The following MCC variants were observed in gnomAD, a reference collection of about 807,000 sequenced individuals.
MCC encodes MCC regulator of Wnt signaling pathway.
A neutral mutation model predicts 116.2 loss-of-function variants in MCC; 90 were observed. The observed-to-expected ratio is 0.77, with a 90% CI of 0.65 to 0.92. MCC has a LOEUF of 0.92. Ranked by LOEUF, MCC falls within the 40% of genes least tolerant of loss-of-function variation. The probability of loss-of-function intolerance (pLI) is 0.00; values close to 1 mark genes in which losing one functional copy is unlikely to be tolerated. For missense variants in MCC, 1,516 were observed against 1,312.2 expected (o/e 1.16, Z -2.40); for synonymous variants, 578 against 510.5 (o/e 1.13, Z -1.78).
intron 3 of MCC, among the ~76,000 whole-genome samples, chr5:113,176,888 C>A (rs1394482948): frequency 6.6e-6 from 1 of 152,150 alleles, no homozygotes; most frequent in Non-Finnish European, 1.5e-5. Flanking sequence ...CACTGCTTGT[C>A]TAGATTGCAG....
In MCC at chr5:113,064,064, G is replaced by T. The variant is rs536644067; in HGVS notation, c.2133C>A (p.Asp711Glu). Reference protein sequence around the residue: ...NAAKALLMKLDGSCGGAFAVA... With the variant: ...NAAKALLMKLEGSCGGAFAVA... The stretch of plus-strand genomic sequence containing the variant: ...CGGCAAAGGCTCCCCCACAGCTGCC[G>T]TCCAGCTTCATGAGCAGGGCCTTGG... The change falls in exon 14 of 19, where the codon GAC becomes GAA. Residue 711 changes from aspartate (D) to glutamate (E), a missense_variant. Physicochemically the swap from Asp to Glu is conservative, Grantham distance 45 (BLOSUM62 2). Transcript: ENST00000408903. 1.2e-6 allele frequency: 2 copies of T among 1,614,172 alleles called. No individual in the cohort carries two copies. Among genetic ancestry groups the T allele is most frequent in the Non-Finnish European group, 1.7e-6 (2 of 1,180,020 alleles).
At chr5:113,428,245 G>A (rs1190917494) in intron 1 of MCC, among the ~76,000 whole-genome samples, 2 of 152,100 alleles carry the variant, frequency 1.3e-5, no homozygotes, top group Admixed American at 6.5e-5. Flanking sequence ...ATCCCAAGTA[G>A]AAGAACGTCA....
rs1273774208 is a variant in MCC at position 113,122,683 on chromosome 5, C to T, written c.1027+1G>A. 1.9e-6 allele frequency: 3 copies of T among 1,613,898 alleles called. No homozygotes were observed. The highest frequency in any genetic ancestry group is 2.7e-5 in the African/African-American group (2 of 74,910). ...TTGGTGGCAAGGGCAGGCAGACTCACCCATGTCAGCAGTAACCATGGTAGA... is the reference window on the plus strand; with the variant it reads ...TTGGTGGCAAGGGCAGGCAGACTCATCCATGTCAGCAGTAACCATGGTAGA... On this transcript the variant is annotated splice_donor_variant, in intron 6 of 18. Transcript: ENST00000408903. LOFTEE classifies it high-confidence loss of function.
At chr5:113,366,844 C>T (rs1391918169) in intron 2 of MCC, among the ~76,000 whole-genome samples, 2 of 151,952 alleles carry the variant, frequency 1.3e-5, no homozygotes, top group Non-Finnish European at 2.9e-5. Flanking sequence ...ACTCTATCAC[C>T]CAGGCTGGAG....
At chr5:113,488,157 A>G (rs968420696) in intron 1 of MCC, 88 bp downstream of exon 1, 20 of 1,319,770 alleles carry the variant, frequency 1.5e-5, no homozygotes, top group Non-Finnish European at 2.0e-5. Context: ...ACTTGCCGCA[A>G]GTTGGGGCGA....
At chr5:113,216,332 T>C (rs943163624) in intron 3 of MCC, among the ~76,000 whole-genome samples, 8 of 152,158 alleles carry the variant, frequency 5.3e-5, no homozygotes, top group Non-Finnish European at 7.4e-5. Flanking sequence ...CCAATGAAGG[T>C]ATAAGAAGTC....
At chr5:113,085,037 A>C in intron 9 of MCC, 127 bp downstream of exon 9, 1 of 1,290,248 alleles carries the variant, frequency 7.8e-7, no homozygotes, top group Non-Finnish European at 1.1e-6. Context: ...GGCCTGCGTA[A>C]GGTCCCAGGG....
At chr5:113,120,306 G>T (rs1284499444) in intron 6 of MCC, among the ~76,000 whole-genome samples, 2 of 152,174 alleles carry the variant, frequency 1.3e-5, no homozygotes, top group Non-Finnish European at 2.9e-5. Context: ...TGTGTGTATT[G>T]TAACATAAAG....
intron 17 of MCC, among the ~76,000 whole-genome samples, chr5:113,031,466 GC>G (rs1750951332): frequency 6.6e-6 from 1 of 150,484 alleles, no homozygotes; most frequent in Non-Finnish European, 1.5e-5. Flanking sequence ...GCGGAGGGAA[GC>G]CAGGGACTCC....
intron 3 of MCC, among the ~76,000 whole-genome samples, chr5:113,154,992 T>C (rs1346862507): frequency 6.6e-6 from 1 of 152,170 alleles, no homozygotes; most frequent in Non-Finnish European, 1.5e-5. Flanking sequence ...TCTAACTGCA[T>C]GTTTTTACCC....
intron 3 of MCC, among the ~76,000 whole-genome samples, chr5:113,172,809 T>G (rs1406295718): frequency 6.6e-6 from 1 of 152,232 alleles, no homozygotes; most frequent in African/African-American, 2.4e-5. Context: ...CGAAAGCTAT[T>G]GCAATATATA....
intron 17 of MCC, 121 bp from the exon 18 acceptor site, chr5:113,029,177 G>T: frequency 1.1e-6 from 1 of 931,466 alleles, no homozygotes; most frequent in Non-Finnish European, 1.5e-6. Context: ...AGGCAAGGGA[G>T]AGAAAAGATA....
At chr5:113,478,728 A>AAGG (rs1772297377) in intron 1 of MCC, among the ~76,000 whole-genome samples, 1 of 152,144 alleles carries the variant, frequency 6.6e-6, no homozygotes, top group African/African-American at 2.4e-5. Flanking sequence ...TCTGGGCTTT[A>AAGG]AGGGTCTTTA....
intron 3 of MCC, among the ~76,000 whole-genome samples, chr5:113,327,143 G>C (rs1767574286): frequency 6.6e-6 from 1 of 152,146 alleles, no homozygotes; most frequent in Non-Finnish European, 1.5e-5. Flanking sequence ...AAAAGCTTCA[G>C]ATCTGGGATA....
At chr5:113,451,355 C>A (rs1771387394) in intron 1 of MCC, among the ~76,000 whole-genome samples, 1 of 152,226 alleles carries the variant, frequency 6.6e-6, no homozygotes. Flanking sequence ...TACAGTTTAT[C>A]CAGACCATTT....
At chr5:113,095,207 G>C (rs1000892976) in intron 8 of MCC, among the ~76,000 whole-genome samples, 18 of 152,102 alleles carry the variant, frequency 1.2e-4, no homozygotes, top group African/African-American at 4.1e-4. Context: ...CATGGGAGTG[G>C]GGCTAGGATG....
intron 3 of MCC, among the ~76,000 whole-genome samples, chr5:113,297,768 A>AAAG (rs1766751272): frequency 6.6e-6 from 1 of 151,080 alleles, no homozygotes; most frequent in Non-Finnish European, 1.5e-5. Flanking sequence ...AAAAAAAAAA[A>AAAG]AAAAAAGAAG....
At chr5:113,487,186 A>T (rs1007083455) in intron 1 of MCC, among the ~76,000 whole-genome samples, 5 of 150,370 alleles carry the variant, frequency 3.3e-5, no homozygotes, top group Non-Finnish European at 5.9e-5. Context: ...AAAATTCCGC[A>T]CTTTGCTTTC....
intron 12 of MCC, 65 bp from the exon 13 acceptor site, chr5:113,068,248 G>A (rs556231370): frequency 2.0e-5 from 26 of 1,292,212 alleles, no homozygotes; most frequent in Middle Eastern, 2.1e-4. Context: ...ATGTGGCGCC[G>A]GTTTCTGTGC....
Sources: gnomAD v4.1 joint callset for allele counts (sites outside exome capture counted in the v4.1 genomes callset) on GRCh38, gnomAD v4.1.1 for gene constraint, MANE v1.5 for transcripts, NCBI Gene and HGNC (gene_info 2026-07-23, HGNC 2026-07-21) for gene names.